The following AGAP3 variants were observed in gnomAD, a reference collection of about 807,000 sequenced individuals.
AGAP3 encodes the protein arf-GAP with GTPase, ANK repeat and PH domain-containing protein 3.
Under a neutral mutation model 96.9 loss-of-function variants are expected in AGAP3, and 24 were observed. The ratio of observed to expected loss-of-function variants is 0.25; its 90% CI spans 0.18 to 0.35. The LOEUF (loss-of-function observed/expected upper bound fraction) is 0.35. Ranked by LOEUF, AGAP3 falls within the 10% of genes least tolerant of loss-of-function variation. The pLI, the probability that AGAP3 is intolerant of heterozygous loss-of-function variation, is 1.00. For synonymous variants in AGAP3, 563 were observed against 536.1 expected (o/e 1.05, Z -0.69); for missense variants, 876 against 1,254.2 (o/e 0.70, Z 4.55).
chr7:151,094,019 G>A (rs1445986151), intron 1 of AGAP3, among the ~76,000 whole-genome samples: 1 of 152,148 alleles, frequency 6.6e-6, no homozygotes, highest in Non-Finnish European at 1.5e-5. Context: ...ACTTTGAGAT[G>A]CGCCCCCCTT....
intron 9 of AGAP3, among the ~76,000 whole-genome samples, chr7:151,127,115 T>C (rs1009502301): frequency 6.6e-6 from 1 of 152,212 alleles, no homozygotes; most frequent in African/African-American, 2.4e-5. Context: ...CGGGAATCTC[T>C]TATCCTAATG....
intron 9 of AGAP3, 50 bp downstream of exon 9, chr7:151,123,936 A>G: frequency 1.9e-6 from 3 of 1,564,118 alleles, no homozygotes; most frequent in Non-Finnish European, 2.6e-6. Flanking sequence ...GAGGCCCAGG[A>G]ATGTGGCGCT....
chr7:151,108,894 G>T lies in AGAP3; in HGVS notation c.332-7899G>T, dbSNP rs974094910. On this transcript the variant is annotated intron_variant, in intron 1 of 17. Transcript: ENST00000397238. This position sits in a 1 kb window ranked among gnomAD's most constrained non-coding sequence, Gnocchi z 4.2. ...CACGAGTTCTGAACCTGGAACCCAT[G>T]GCAGGGATTAAGGGGACTCGGACCT... is the stretch of plus-strand genomic sequence containing the variant. Among the ~76,000 whole-genome samples the T allele has an allele frequency of 1.3e-5, 2 of 152,184 alleles. No homozygotes were observed. Among genetic ancestry groups the T allele is most frequent in the African/African-American group, 2.4e-5 (1 of 41,442 alleles).
intron 1 of AGAP3, among the ~76,000 whole-genome samples, chr7:151,093,967 G>A (rs557428050): frequency 1.3e-5 from 2 of 152,268 alleles, no homozygotes; most frequent in African/African-American, 4.8e-5. Context: ...ACCTGAGCTG[G>A]GGTCCCTGAG....
chr7:151,115,301 G>C, intron 1 of AGAP3: 1 of 1,005,510 alleles, frequency 9.9e-7, no homozygotes, highest in Non-Finnish European at 1.2e-6. Flanking sequence ...GCGGGCCGGA[G>C]GGGCCCCGGC....
intron 10 of AGAP3, among the ~76,000 whole-genome samples, chr7:151,131,589 TG>T (rs1277918231): frequency 2.0e-5 from 3 of 152,334 alleles, no homozygotes; most frequent in African/African-American, 7.2e-5. Context: ...TTCTCTCCAC[TG>T]TCCTCTGGGC....
chr7:151,092,417 C>G (rs1283058165), intron 1 of AGAP3, among the ~76,000 whole-genome samples: 1 of 152,204 alleles, frequency 6.6e-6, no homozygotes, highest in African/African-American at 2.4e-5. Flanking sequence ...TAATCTGATG[C>G]TTTCCTCCTG....
intron 8 of AGAP3, chr7:151,120,645 G>A: frequency 1.6e-6 from 2 of 1,284,934 alleles, no homozygotes; most frequent in Non-Finnish European, 2.0e-6. Context: ...CCACTGCCGA[G>A]GGGAAAATTC....
intron 8 of AGAP3, chr7:151,123,051 CGCTGGCCA>C: frequency 7.7e-6 from 10 of 1,290,962 alleles, no homozygotes; most frequent in Non-Finnish European, 8.8e-6. Flanking sequence ...CCACGCCCGG[CGCTGGCCA>C]GCGCGACGAG....
Position 151,117,656 on chromosome 7 carries a change from A to G in AGAP3, c.585A>G (p.Ala195=), listed in dbSNP as rs1158155748. 6.2e-7 allele frequency: 1 copy of G among 1,614,176 alleles called. No homozygotes were observed. The highest frequency in any genetic ancestry group is 8.5e-7 in the Non-Finnish European group (1 of 1,179,986). ...PELQFAAWVD[A]VVFVFSLEDE... The stretch of plus-strand genomic sequence containing the variant: ...CCTAGTTTGCTGCCTGGGTGGATGC[A>G]GTGGTGTTTGTGTTCAGCCTGGAGG... Residue 195 remains alanine, a synonymous_variant, in exon 5 of 18, where the codon GCA becomes GCG. Transcript: ENST00000397238.
At chr7:151,120,768 C>T in intron 8 of AGAP3, 2 of 1,189,438 alleles carry the variant, frequency 1.7e-6, no homozygotes, top group East Asian at 5.9e-5. Flanking sequence ...TCCTTGTGAG[C>T]TCCTCACTCA....
intron 10 of AGAP3, among the ~76,000 whole-genome samples, chr7:151,130,896 T>A (rs1800377508): frequency 6.6e-6 from 1 of 152,212 alleles, no homozygotes; most frequent in Non-Finnish European, 1.5e-5. Flanking sequence ...CCTTCCAGCC[T>A]GAGCATGCTC....
At chr7:151,121,452 C>A (rs1022522523) in intron 8 of AGAP3, among the ~76,000 whole-genome samples, 2 of 152,174 alleles carry the variant, frequency 1.3e-5, no homozygotes, top group African/African-American at 4.8e-5. Context: ...TGCTCCCTGG[C>A]ATCGTGCCTC....
chr7:151,098,381 A>G (rs1585042368), intron 1 of AGAP3, among the ~76,000 whole-genome samples: 1 of 151,550 alleles, frequency 6.6e-6, no homozygotes, highest in South Asian at 2.1e-4. Flanking sequence ...ACAAACACAC[A>G]CATATACACA....
At chr7:151,095,573 C>G (rs1056800042) in intron 1 of AGAP3, among the ~76,000 whole-genome samples, 1 of 151,984 alleles carries the variant, frequency 6.6e-6, no homozygotes, top group Non-Finnish European at 1.5e-5. Flanking sequence ...GATCTCTGCT[C>G]TGCTTCTGCT....
chr7:151,130,821 C>T (rs1800375076), intron 10 of AGAP3, among the ~76,000 whole-genome samples: 2 of 151,976 alleles, frequency 1.3e-5, no homozygotes, highest in Non-Finnish European at 2.9e-5. Context: ...GCCGCCACCA[C>T]CCCCGCCACA....
intron 1 of AGAP3, among the ~76,000 whole-genome samples, chr7:151,110,015 C>T (rs935345015): frequency 5.3e-5 from 8 of 152,246 alleles, no homozygotes; most frequent in African/African-American, 1.9e-4. Flanking sequence ...GAGACCGTGG[C>T]TGGTCACCCA....
chr7:151,143,849 G>C lies in AGAP3; in HGVS notation c.2642G>C (p.Gly881Ala). 5.0e-6 allele frequency: 8 copies of C among 1,614,022 alleles called. No homozygotes were observed. The highest frequency in any genetic ancestry group is 5.9e-6 in the Non-Finnish European group (7 of 1,180,040). The change falls in exon 18 of 18, where the codon GGG (glycine) becomes GCG (alanine). Residue 881 changes from glycine (G) to alanine (A), a missense_variant. By Grantham distance (60) the Gly-to-Ala change is moderately conservative. Coordinates refer to ENST00000397238, the MANE Select transcript of AGAP3 (RefSeq NM_031946.7). This position sits in a 1 kb window ranked among gnomAD's most constrained non-coding sequence, Gnocchi z 5.9. The part of the protein sequence containing the change: ...ADILIQHGCP[G>A]EGCGLAPTPN... ...ATCTTGATCCAGCATGGCTGCCCTGGGGAGGGCTGTGGCTTAGCGCCTACC... is the reference window on the plus strand; with the variant it reads ...ATCTTGATCCAGCATGGCTGCCCTGCGGAGGGCTGTGGCTTAGCGCCTACC...
intron 11 of AGAP3, among the ~76,000 whole-genome samples, chr7:151,137,312 C>T (rs1259143864): frequency 2.6e-5 from 4 of 152,368 alleles, no homozygotes; most frequent in East Asian, 1.9e-4. Flanking sequence ...CGGGCTCCTC[C>T]GCTTCAAGGT....
Sources: gnomAD v4.1 joint callset for allele counts (sites outside exome capture counted in the v4.1 genomes callset) on GRCh38, gnomAD v4.1.1 for gene constraint, Gnocchi (gnomAD v3.1) non-coding constraint, MANE v1.5 for transcripts, NCBI Gene and HGNC (gene_info 2026-07-23, HGNC 2026-07-21) for gene names.